Variants in INPP4B observed in about 807,000 individuals in gnomAD.
The protein encoded by INPP4B is inositol polyphosphate-4-phosphatase type II B.
Under a neutral mutation model 122.5 loss-of-function variants are expected in INPP4B, and 55 were observed. The observed-to-expected ratio is 0.45, with a 90% CI of 0.36 to 0.56. INPP4B has a LOEUF of 0.56. INPP4B is among the 20% of genes least tolerant of loss of function. INPP4B has a pLI of 0.00. For synonymous variants in INPP4B, 403 were observed against 388.7 expected (o/e 1.04, Z -0.43); for missense variants, 1,000 against 1,097.7 (o/e 0.91, Z 1.26).
chr4:142,235,101 T>C (rs955505953), intron 12 of INPP4B, among the ~76,000 whole-genome samples: 3 of 152,094 alleles, frequency 2.0e-5, no homozygotes, highest in African/African-American at 4.8e-5. Flanking sequence ...TTAGTGAAAA[T>C]AGAGGTGGAC....
At chr4:142,400,270 G>A (rs1403014591) in intron 7 of INPP4B, among the ~76,000 whole-genome samples, 1 of 152,128 alleles carries the variant, frequency 6.6e-6, no homozygotes, top group Admixed American at 6.6e-5. Flanking sequence ...AACCAATATA[G>A]AAGATCTGAT....
At chr4:142,424,689 A>G (rs897645336) in intron 5 of INPP4B, among the ~76,000 whole-genome samples, 2 of 152,100 alleles carry the variant, frequency 1.3e-5, no homozygotes, top group Non-Finnish European at 2.9e-5. Flanking sequence ...TAAAAATTAA[A>G]TAATAGCTTA....
At chr4:142,316,992 G>A (rs1357580005) in intron 7 of INPP4B, among the ~76,000 whole-genome samples, 2 of 152,158 alleles carry the variant, frequency 1.3e-5, no homozygotes, top group African/African-American at 4.8e-5. Flanking sequence ...TTAGCACAAT[G>A]CAATAAGTGC....
At chr4:142,745,655 G>A (rs1291897130) in intron 1 of INPP4B, among the ~76,000 whole-genome samples, 1 of 151,740 alleles carries the variant, frequency 6.6e-6, no homozygotes, top group African/African-American at 2.4e-5. Context: ...CCCATAAAGT[G>A]TCCTGTATAA....
chr4:142,047,341 C>T (rs1396635101), intron 25 of INPP4B, among the ~76,000 whole-genome samples: 3 of 152,004 alleles, frequency 2.0e-5, no homozygotes, highest in Admixed American at 1.3e-4. Flanking sequence ...CATTTTATAT[C>T]GACTATTCTG....
chr4:142,333,229 G>T (rs1775372250), intron 7 of INPP4B, among the ~76,000 whole-genome samples: 1 of 152,054 alleles, frequency 6.6e-6, no homozygotes. Flanking sequence ...CGAGATTGTT[G>T]TATCAGCAGC....
chr4:142,674,503 C>T (rs1428707883), intron 2 of INPP4B, among the ~76,000 whole-genome samples: 2 of 152,134 alleles, frequency 1.3e-5, no homozygotes, highest in African/African-American at 4.8e-5. Context: ...AGGACTTGAA[C>T]TCAGCACTAG....
intron 2 of INPP4B, among the ~76,000 whole-genome samples, chr4:142,535,074 C>T (rs1178598041): frequency 6.6e-6 from 1 of 152,074 alleles, no homozygotes; most frequent in Admixed American, 6.6e-5. Context: ...AGGAAGTAAA[C>T]ATTATCTTGA....
chr4:142,825,925 T>A (rs1384071085), intron 1 of INPP4B, among the ~76,000 whole-genome samples: 1 of 152,102 alleles, frequency 6.6e-6, no homozygotes, highest in Admixed American at 6.6e-5. Flanking sequence ...CTAGAAGAGA[T>A]CTCAATAACC....
At chr4:142,734,702 A>T (rs1447211808) in intron 1 of INPP4B, among the ~76,000 whole-genome samples, 1 of 152,080 alleles carries the variant, frequency 6.6e-6, no homozygotes, top group Non-Finnish European at 1.5e-5. Context: ...CTGGAGTGCA[A>T]TAGGGCGATC....
intron 7 of INPP4B, among the ~76,000 whole-genome samples, chr4:142,362,023 G>GT (rs1204366518): frequency 5.3e-5 from 8 of 151,968 alleles, no homozygotes; most frequent in Non-Finnish European, 1.0e-4. Flanking sequence ...ACAAACAACC[G>GT]TAATGTATGA....
intron 1 of INPP4B, among the ~76,000 whole-genome samples, chr4:142,829,447 C>G (rs919936640): frequency 6.6e-6 from 1 of 152,156 alleles, no homozygotes; most frequent in African/African-American, 2.4e-5. Context: ...ATTGCTCCCT[C>G]TACGTGGACC....
chr4:142,384,867 C>G (rs576491865), intron 7 of INPP4B, among the ~76,000 whole-genome samples: 1 of 152,142 alleles, frequency 6.6e-6, no homozygotes, highest in African/African-American at 2.4e-5. Flanking sequence ...GTTTTCTGTT[C>G]CTGTGTTAGT....
intron 15 of INPP4B, among the ~76,000 whole-genome samples, chr4:142,174,304 A>C (rs1315233351): frequency 6.6e-6 from 1 of 152,132 alleles, no homozygotes; most frequent in East Asian, 1.9e-4. Flanking sequence ...CCATTCTATG[A>C]GGTGTGTAAC....
chr4:142,729,075 G>C lies in INPP4B; in HGVS notation c.-253-3174C>G, dbSNP rs147401181. ...AAACCATTCTACCTCAGATCATCAG[G>C]TATTAGATTCTCATAAGGAGCACGT... is the stretch of plus-strand genomic sequence containing the variant. On this transcript the variant is annotated intron_variant, in intron 1 of 25. Coordinates refer to ENST00000262992, the MANE Select transcript of INPP4B (RefSeq NM_001101669.3). Among the ~76,000 whole-genome samples, 105 of 152,258 alleles carry C rather than the reference G, an allele frequency of 6.9e-4. No homozygotes were observed. The East Asian group carries it at 0.017, about 25-fold the overall frequency.
At chr4:142,441,925 A>C (rs1811816500) in intron 3 of INPP4B, among the ~76,000 whole-genome samples, 2 of 152,112 alleles carry the variant, frequency 1.3e-5, no homozygotes, top group Non-Finnish European at 2.9e-5. Flanking sequence ...AAGGAGATAC[A>C]AGCAAGGCAA....
chr4:142,246,671 G>T (rs1276481654), intron 11 of INPP4B, among the ~76,000 whole-genome samples: 1 of 152,176 alleles, frequency 6.6e-6, no homozygotes, highest in Non-Finnish European at 1.5e-5. Context: ...TGCTGAAGTT[G>T]CTTATCAGCT....
intron 7 of INPP4B, among the ~76,000 whole-genome samples, chr4:142,332,418 A>G (rs1774872820): frequency 6.6e-6 from 1 of 152,124 alleles, no homozygotes; most frequent in Non-Finnish European, 1.5e-5. Context: ...CAGCAATGGG[A>G]TAGAAAAGCA....
intron 2 of INPP4B, among the ~76,000 whole-genome samples, chr4:142,640,603 TAAAG>T (rs1750173582): frequency 6.6e-6 from 1 of 151,750 alleles, no homozygotes. Flanking sequence ...GCACCAAACA[TAAAG>T]AAATTAGAGA....
Sources: allele counts gnomAD v4.1 joint callset (sites outside exome capture counted in the v4.1 genomes callset), GRCh38; gene constraint gnomAD v4.1.1; transcripts MANE v1.5; gene names NCBI Gene and HGNC (gene_info 2026-07-23, HGNC 2026-07-21).